FNDC3B: variants seen among roughly 807,000 people sequenced by gnomAD.
FNDC3B encodes the protein fibronectin type III domain containing 3B.
FNDC3B carries 12 observed loss-of-function variants against 151.5 expected under a neutral mutation model. The ratio of observed to expected loss-of-function variants is 0.08; its 90% CI spans 0.05 to 0.13. FNDC3B has a LOEUF of 0.13. Ranked by LOEUF, FNDC3B falls within the 10% of genes least tolerant of loss-of-function variation. FNDC3B has a pLI of 1.00. For missense variants in FNDC3B, 1,214 were observed against 1,505.3 expected (o/e 0.81, Z 3.20); for synonymous variants, 528 against 549.0 (o/e 0.96, Z 0.54).
At chr3:172,180,293 GA>G (rs919428704) in intron 3 of FNDC3B, among the ~76,000 whole-genome samples, 4 of 152,174 alleles carry the variant, frequency 2.6e-5, no homozygotes, top group Admixed American at 2.0e-4. Context: ...CAGACCTGTT[GA>G]GGGGGAGTCT....
At chr3:172,182,567 A>T (rs1239650456) in intron 3 of FNDC3B, among the ~76,000 whole-genome samples, 1 of 152,168 alleles carries the variant, frequency 6.6e-6, no homozygotes, top group African/African-American at 2.4e-5. Context: ...AGTGGGCAAG[A>T]TGTGATTTGT....
intron 1 of FNDC3B, among the ~76,000 whole-genome samples, chr3:172,055,572 G>A (rs1276703100): frequency 5.9e-5 from 9 of 152,096 alleles, no homozygotes; most frequent in African/African-American, 2.2e-4. Context: ...AGAGAACAGA[G>A]GATTCAAATA....
At chr3:172,383,221 C>A (rs1312423386) in intron 25 of FNDC3B, among the ~76,000 whole-genome samples, 1 of 152,166 alleles carries the variant, frequency 6.6e-6, no homozygotes, top group East Asian at 1.9e-4. Flanking sequence ...ATTTTATTCT[C>A]TTTGTAGCAA....
chr3:172,152,516 C>T (rs1722278495), intron 3 of FNDC3B, among the ~76,000 whole-genome samples: 1 of 151,626 alleles, frequency 6.6e-6, no homozygotes, highest in African/African-American at 2.4e-5. Flanking sequence ...TACTCCCTGT[C>T]TTCACCTCCT....
At chr3:172,280,642 A>G (rs1729661573) in intron 6 of FNDC3B, among the ~76,000 whole-genome samples, 1 of 152,250 alleles carries the variant, frequency 6.6e-6, no homozygotes, top group South Asian at 2.1e-4. Flanking sequence ...TGTTACAACC[A>G]GAAATACATT....
rs927914111 is a variant in FNDC3B, at chr3:172,048,851, C to A, written c.-29+9080C>A. ...AAAACATTATGCTAAGTGAAATAAG[C>A]CGGACACAAGAAGATAAATATTGTA... On this transcript the variant is annotated intron_variant, in intron 1 of 25. Transcript: ENST00000415807. Among the ~76,000 whole-genome samples the A allele has an allele frequency of 2.0e-5, 3 of 152,144 alleles. No homozygotes were observed. The East Asian group carries it at 5.8e-4, about 29-fold the overall frequency.
intron 11 of FNDC3B, among the ~76,000 whole-genome samples, chr3:172,322,015 C>T (rs544637796): frequency 3.7e-4 from 57 of 152,258 alleles, no homozygotes; most frequent in African/African-American, 1.2e-3. Context: ...ATGCTATAAA[C>T]GTATATAGAC....
intron 1 of FNDC3B, among the ~76,000 whole-genome samples, chr3:172,042,971 G>C (rs747587545): frequency 5.9e-5 from 9 of 152,134 alleles, no homozygotes; most frequent in Non-Finnish European, 1.2e-4. Context: ...CTGGAGTGCA[G>C]TGGCGCGGTC....
intron 5 of FNDC3B, among the ~76,000 whole-genome samples, chr3:172,248,126 A>C (rs1727876050): frequency 2.0e-5 from 3 of 152,190 alleles, no homozygotes; most frequent in African/African-American, 7.2e-5. Flanking sequence ...CTGAGGTACA[A>C]CTGTGGCACA....
intron 2 of FNDC3B, among the ~76,000 whole-genome samples, chr3:172,118,498 C>T (rs192089780): frequency 1.2e-4 from 18 of 152,198 alleles, no homozygotes; most frequent in East Asian, 3.9e-4. Flanking sequence ...ACTCTTGAGA[C>T]GATTACCCAG....
At chr3:172,056,968 G>A (rs952897242) in intron 1 of FNDC3B, among the ~76,000 whole-genome samples, 3 of 152,126 alleles carry the variant, frequency 2.0e-5, no homozygotes, top group African/African-American at 7.2e-5. Flanking sequence ...CACCTGTGGG[G>A]GAAAGCACAT....
chr3:172,113,514 A>T (rs764170835), intron 2 of FNDC3B, among the ~76,000 whole-genome samples: 20 of 152,190 alleles, frequency 1.3e-4, no homozygotes, highest in Non-Finnish European at 2.6e-4. Context: ...TTTCTCCTGC[A>T]TTGTACTATC....
chr3:172,097,250 G>C (rs1395210813), intron 1 of FNDC3B, among the ~76,000 whole-genome samples: 2 of 152,158 alleles, frequency 1.3e-5, no homozygotes, highest in African/African-American at 4.8e-5. Flanking sequence ...GTTTGGGTTG[G>C]TCCTAGTGAG....
At chr3:172,356,502 C>G (rs1734102863) in intron 22 of FNDC3B, among the ~76,000 whole-genome samples, 1 of 152,130 alleles carries the variant, frequency 6.6e-6, no homozygotes, top group African/African-American at 2.4e-5. Flanking sequence ...AGGTAGAGAT[C>G]TTATCTGTAG....
At chr3:172,339,776 A>G (rs773280192) in intron 16 of FNDC3B, among the ~76,000 whole-genome samples, 192 of 152,280 alleles carry the variant, frequency 1.3e-3, no homozygotes, top group African/African-American at 4.3e-3. Context: ...TTGTGACTGC[A>G]TGGCTGAGTG....
chr3:172,218,099 C>A (rs1726088438), intron 3 of FNDC3B, among the ~76,000 whole-genome samples: 1 of 131,324 alleles, frequency 7.6e-6, no homozygotes, highest in Admixed American at 9.2e-5. Flanking sequence ...TGAAATAAAG[C>A]CAATGCCAGA....
At chr3:172,166,672 T>G (rs2108626862) in intron 3 of FNDC3B, among the ~76,000 whole-genome samples, 1 of 152,262 alleles carries the variant, frequency 6.6e-6, no homozygotes, top group Non-Finnish European at 1.5e-5. Flanking sequence ...GGAGGATTGC[T>G]TGAACCCAGG....
intron 1 of FNDC3B, among the ~76,000 whole-genome samples, chr3:172,070,613 G>A (rs1717728213): frequency 6.6e-6 from 1 of 152,156 alleles, no homozygotes; most frequent in African/African-American, 2.4e-5. Context: ...CACATATTTA[G>A]CATTTACCTT....
intron 3 of FNDC3B, among the ~76,000 whole-genome samples, chr3:172,145,852 T>G (rs1189932035): frequency 6.7e-6 from 1 of 150,160 alleles, no homozygotes; most frequent in Admixed American, 6.7e-5. Context: ...TCACTCTTGT[T>G]GCCCAGGCTG....
Sources: allele counts gnomAD v4.1 joint callset (sites outside exome capture counted in the v4.1 genomes callset), GRCh38; gene constraint gnomAD v4.1.1; transcripts MANE v1.5; gene names NCBI Gene and HGNC (gene_info 2026-07-23, HGNC 2026-07-21).